Variants in KPNB1 observed in about 807,000 individuals in gnomAD.
KPNB1 encodes the protein importin subunit beta-1.
KPNB1 carries 7 observed loss-of-function variants against 113.0 expected under a neutral mutation model. The ratio of observed to expected loss-of-function variants is 0.06; its 90% CI spans 0.04 to 0.12. The LOEUF (loss-of-function observed/expected upper bound fraction) is 0.12. Among genes scored for constraint, KPNB1 ranks in the 10% least tolerant of loss-of-function variants. KPNB1 has a pLI of 1.00. For missense variants in KPNB1, 400 were observed against 1,054.8 expected, an observed-to-expected ratio of 0.38 and a Z score of 8.60; for synonymous variants, 363 against 378.6, an observed-to-expected ratio of 0.96 and a Z score of 0.48.
intron 2 of KPNB1, among the ~76,000 whole-genome samples, chr17:47,652,034 A>C (rs943849009): frequency 6.6e-6 from 1 of 152,106 alleles, no homozygotes; most frequent in African/African-American, 2.4e-5. Context: ...ATATCTTATC[A>C]CTTTTCCTTA....
chr17:47,654,166 G>A (rs1915655403), intron 3 of KPNB1, among the ~76,000 whole-genome samples: 1 of 152,136 alleles, frequency 6.6e-6, no homozygotes, highest in Admixed American at 6.6e-5. Context: ...TGTCATCCCA[G>A]CACTTTGAGA....
At chr17:47,650,999 C>T (rs950289962) in intron 2 of KPNB1, among the ~76,000 whole-genome samples, 2 of 152,140 alleles carry the variant, frequency 1.3e-5, no homozygotes, top group African/African-American at 2.4e-5. Flanking sequence ...GATATTTTTC[C>T]CTCTTTGCTC....
rs1444637553 is a variant in KPNB1, at chr17:47,649,967, C to T, written c.-278C>T. 2 of 1,324,304 alleles carry T rather than the reference C, an allele frequency of 1.5e-6. No individual in the cohort carries two copies. The highest frequency in any genetic ancestry group is 1.9e-6 in the Non-Finnish European group (2 of 1,041,710). 82.0% of individuals were successfully genotyped at this position (1,324,304 alleles called of 1,614,324 possible). A position where few individuals can be genotyped will look rare whatever the true frequency, so the allele number is the denominator to read the frequency against. ...CTCACAGCCTCCCTTCCTTCTTTCT[C>T]CCTCCGCCTCCCGAGCACCAGCGCG... On this transcript the variant is annotated 5_prime_UTR_variant, in exon 1 of 22. Coordinates refer to ENST00000290158, the MANE Select transcript of KPNB1 (RefSeq NM_002265.6).
Position 47,680,792 on chromosome 17 carries a change from T to C in KPNB1, c.2630+123T>C, listed in dbSNP as rs1170396993. 6.3e-6 allele frequency: 6 copies of C among 957,968 alleles called. No individual in the cohort carries two copies. In the South Asian group the frequency reaches 7.1e-5, roughly 11 times the overall value. The allele number at this position is 957,968 out of a possible 1,614,324, so 59.3% of individuals were successfully genotyped here. A position where few individuals can be genotyped will look rare whatever the true frequency, so the allele number is the denominator to read the frequency against. On this transcript the variant is annotated intron_variant, in intron 21 of 21. Transcript: ENST00000290158. ...TTTTTTGTTTGTACTTTTTCCCATG[T>C]AGGTGCTTCTGAGTCAGGCAGCCTC...
Position 47,663,159 on chromosome 17 carries a change from TG to T in KPNB1, c.770del (p.Gly257ValfsTer12). The T allele has an allele frequency of 6.4e-7, 1 of 1,561,188 alleles. No individual in the cohort carries two copies. Among genetic ancestry groups the T allele is most frequent in the Non-Finnish European group, 8.8e-7 (1 of 1,131,900 alleles). On this transcript the variant is annotated frameshift_variant, in exon 7 of 22. Coordinates refer to ENST00000290158, the MANE Select transcript of KPNB1 (RefSeq NM_002265.6). LOFTEE classifies it high-confidence loss of function. ...SLYYQYMETY[M>X]GPALFAITIE... ...TATTATCAGTACATGGAGACATATA[TG>T]GGTCCTGCTCTTTTTGCAGTAAGTA...
intron 19 of KPNB1, chr17:47,678,690 C>T: frequency 2.8e-6 from 1 of 352,704 alleles, no homozygotes; most frequent in South Asian, 3.0e-5. Context: ...TCACTGCAAC[C>T]TCCACCTCCC....
chr17:47,673,287 A>G, intron 13 of KPNB1, 122 bp downstream of exon 13: 5 of 1,071,014 alleles, frequency 4.7e-6, no homozygotes, highest in Non-Finnish European at 5.4e-6. Context: ...CAGAAAGATA[A>G]TAAAGCTTAT....
intron 6 of KPNB1, among the ~76,000 whole-genome samples, chr17:47,662,751 C>T (rs949570542): frequency 1.3e-5 from 2 of 151,754 alleles, no homozygotes; most frequent in East Asian, 1.9e-4. Flanking sequence ...GGCATGGTGG[C>T]GGGCACCTGT....
chr17:47,670,144 C>CA (rs1349508968), intron 11 of KPNB1, among the ~76,000 whole-genome samples: 1 of 151,956 alleles, frequency 6.6e-6, no homozygotes, highest in East Asian at 1.9e-4. Context: ...TGCTTGGGGA[C>CA]AAGAAGTTTT....
intron 9 of KPNB1, among the ~76,000 whole-genome samples, chr17:47,666,452 T>C (rs1248685502): frequency 2.2e-5 from 3 of 136,610 alleles, no homozygotes; most frequent in Non-Finnish European, 4.5e-5. Context: ...ATTTTATATA[T>C]TATGTTATAT....
At chr17:47,676,901 C>T (rs1037524112) in intron 16 of KPNB1, 119 bp from the exon 17 acceptor site, 37 of 677,232 alleles carry the variant, frequency 5.5e-5, no homozygotes, top group African/African-American at 5.2e-4. Context: ...AAATTAATCT[C>T]GGCAGAGGGA....
chr17:47,675,857 G>A (rs1386769150), intron 15 of KPNB1, among the ~76,000 whole-genome samples: 1 of 152,040 alleles, frequency 6.6e-6, no homozygotes, highest in East Asian at 1.9e-4. Context: ...CCTATTTTTG[G>A]CATAAACAGC....
intron 6 of KPNB1, among the ~76,000 whole-genome samples, chr17:47,661,919 G>T (rs1055869377): frequency 6.6e-6 from 1 of 152,140 alleles, no homozygotes; most frequent in Non-Finnish European, 1.5e-5. Context: ...GGGAGAAAAG[G>T]TTTTTGATCA....
At chr17:47,663,297 C>G (rs1276099894) in intron 7 of KPNB1, 119 bp downstream of exon 7, 1 of 655,170 alleles carries the variant, frequency 1.5e-6, no homozygotes, top group Non-Finnish European at 2.8e-6. Flanking sequence ...AAGGAAATTC[C>G]TCGAGACTGT....
chr17:47,650,311 C>CTGAGG (rs1232512483), intron 1 of KPNB1, 27 bp downstream of exon 1: 1 of 1,610,882 alleles, frequency 6.2e-7, no homozygotes, highest in Non-Finnish European at 8.5e-7. Flanking sequence ...GGGGGTAGGG[C>CTGAGG]TGAGGTGATT....
At chr17:47,662,902 CA>C (rs1249962831) in intron 6 of KPNB1, among the ~76,000 whole-genome samples, 186 bp from the exon 7 acceptor site, 1 of 151,724 alleles carries the variant, frequency 6.6e-6, no homozygotes, top group Non-Finnish European at 1.5e-5. Context: ...AAAAGAGAGA[CA>C]AAATGGGAAA....
Position 47,650,574 on chromosome 17 carries a change from T to TCCC in KPNB1, c.99+136_99+138dup, listed in dbSNP as rs1333201997. 6.4e-5 allele frequency: 32 copies of TCCC among 503,324 alleles called. No individual in the cohort carries two copies. In the African/African-American group the frequency reaches 7.4e-4, roughly 12 times the overall value. The allele number at this position is 503,324 out of a possible 1,614,324, so 31.2% of individuals were successfully genotyped here. ...ATCCCGTCCCCCTCCCCCCTCCCCC[T>TCCC]CCCCCCCCAACCCGGTCCAACCTAA... On this transcript the variant is annotated intron_variant, in intron 2 of 21. Coordinates refer to ENST00000290158, the MANE Select transcript of KPNB1 (RefSeq NM_002265.6).
At chr17:47,660,962 C>G (rs1308157061) in intron 5 of KPNB1, among the ~76,000 whole-genome samples, 157 bp from the exon 6 acceptor site, 1 of 152,216 alleles carries the variant, frequency 6.6e-6, no homozygotes, top group Non-Finnish European at 1.5e-5. Flanking sequence ...CTTTATAGTG[C>G]TGTACCATCT....
At chr17:47,668,569 TTTTAATTA>T (rs2143141974) in intron 10 of KPNB1, among the ~76,000 whole-genome samples, 159 bp downstream of exon 10, 1 of 152,308 alleles carries the variant, frequency 6.6e-6, no homozygotes, top group South Asian at 2.1e-4. Context: ...TTTCTTAGGT[TTTTAATTA>T]CATAAGTCAG....
Sources: allele counts gnomAD v4.1 joint callset (sites outside exome capture counted in the v4.1 genomes callset), GRCh38; gene constraint gnomAD v4.1.1; transcripts MANE v1.5; gene names NCBI Gene and HGNC (gene_info 2026-07-23, HGNC 2026-07-21).